Variants in MAGEA1 observed in about 807,000 individuals in gnomAD.
MAGEA1 encodes the protein melanoma-associated antigen 1.
For missense variants in MAGEA1, 182 were observed against 233.7 expected, an observed-to-expected ratio of 0.78 and a Z score of 1.44; for synonymous variants, 101 against 96.7, an observed-to-expected ratio of 1.04 and a Z score of -0.26.
At chrX:153,179,732 A>C (rs1602749972) in intron 1 of MAGEA1, among the ~76,000 whole-genome samples, 6 of 38,624 alleles carry the variant, frequency 1.6e-4, no homozygotes, top group Admixed American at 3.6e-4. Context: ...CTACACCTCC[A>C]CCCCCATCCC....
Position 153,182,935 on chromosome X carries a change from G to A in MAGEA1, c.546G>A (p.Leu182=). ...GCCTAGGTCTCTCCTATGATGGCCT[G>A]CTGGGTGATAATCAGATCATGCCCA... ...VTCLGLSYDG[L]LGDNQIMPKT... Residue 182 remains leucine (L), a synonymous_variant, in exon 3 of 3, where the codon CTG becomes CTA. Transcript: ENST00000356661. 2 of 1,211,887 alleles carry A rather than the reference G, an allele frequency of 1.7e-6. No individual in the cohort carries two copies. The highest frequency in any genetic ancestry group is 2.2e-6 in the Non-Finnish European group (2 of 895,533).
At position 153,183,349 on chromosome X, in the gene MAGEA1, G is replaced by T. The variant is rs781901177; in HGVS notation, c.*30G>T. The T allele has an allele frequency of 1.1e-5, 13 of 1,181,933 alleles. No individual in the cohort carries two copies. In the South Asian group the frequency reaches 2.5e-4, roughly 23 times the overall value. On this transcript the variant is annotated 3_prime_UTR_variant, in exon 3 of 3. Transcript: ENST00000356661. ...GAGTTGCAGCCAAGGCCAGTGGGAG[G>T]GGGACTGGGCCAGTGCACCTTCCAG... is the stretch of plus-strand genomic sequence containing the variant.
In MAGEA1 at chrX:153,182,732, C is replaced by T; in HGVS notation, c.343C>T (p.Leu115Phe). 3 of 1,211,874 alleles carry T rather than the reference C, an allele frequency of 2.5e-6. No individual in the cohort carries two copies. Among genetic ancestry groups the T allele is most frequent in the Admixed American group, 2.2e-5 (1 of 46,091 alleles). ...GGCTGATTTGGTTGGTTTTCTGCTC[C>T]TCAAATATCGAGCCAGGGAGCCAGT... ...KVADLVGFLL[L>F]KYRAREPVTK... Residue 115 changes from leucine (L) to phenylalanine (F), a missense_variant, in exon 3 of 3, where the codon CTC becomes TTC. Coordinates refer to ENST00000356661, the MANE Select transcript of MAGEA1 (RefSeq NM_004988.5).
chrX:153,180,174 C>A (rs987196115), intron 1 of MAGEA1, among the ~76,000 whole-genome samples: 2 of 111,136 alleles, frequency 1.8e-5, no homozygotes, highest in African/African-American at 6.6e-5. Flanking sequence ...AGCTGGACCA[C>A]CCCCCGTCCC....
In MAGEA1 at chrX:153,183,281, C is replaced by T. The variant is rs61737511; in HGVS notation, c.892C>T (p.Arg298Cys). The T allele has an allele frequency of 1.1e-5, 13 of 1,209,380 alleles. No individual in the cohort carries two copies. The highest frequency in any genetic ancestry group is 4.6e-4 in the Middle Eastern group (2 of 4,374). The change falls in exon 3 of 3, where the codon CGT becomes TGT. Residue 298 changes from arginine (R) to cysteine (C), a missense_variant. By Grantham distance (180) the Arg-to-Cys change is radical. Transcript: ENST00000356661. ...ARVRFFFPSL[R>C]EAALREEEEG... ...AGTTCGCTTTTTCTTCCCATCCCTG[C>T]GTGAAGCAGCTTTGAGAGAGGAGGA...
At position 153,182,805 on chromosome X, in the gene MAGEA1, G is replaced by A. The variant is rs2051503542; in HGVS notation, c.416G>A (p.Cys139Tyr). ...AGTGTCATCAAAAATTACAAGCACTGTTTTCCTGAGATCTTCGGCAAAGCC... is the reference window on the plus strand; with the variant it reads ...AGTGTCATCAAAAATTACAAGCACTATTTTCCTGAGATCTTCGGCAAAGCC... ...LESVIKNYKH[C>Y]FPEIFGKASE... Residue 139 changes from cysteine to tyrosine, a missense_variant, in exon 3 of 3, where the codon TGT (cysteine) becomes TAT (tyrosine). By Grantham distance (194) the Cys-to-Tyr change is radical. Transcript: ENST00000356661. 8.3e-7 allele frequency: 1 copy of A among 1,211,863 alleles called. No individual in the cohort carries two copies.
Position 153,183,081 on chromosome X carries a change from C to T in MAGEA1, c.692C>T (p.Ala231Val). Residue 231 changes from alanine to valine, a missense_variant, in exon 3 of 3, where the codon GCC (alanine) becomes GTC (valine). Coordinates refer to ENST00000356661, the MANE Select transcript of MAGEA1 (RefSeq NM_004988.5). The part of the protein sequence containing the change: ...MEVYDGREHS[A>V]YGEPRKLLTQ... Reference sequence around the variant, plus strand: ...GTGTATGATGGGAGGGAGCACAGTGCCTATGGGGAGCCCAGGAAGCTGCTC... The same window carrying T: ...GTGTATGATGGGAGGGAGCACAGTGTCTATGGGGAGCCCAGGAAGCTGCTC... The T allele has an allele frequency of 8.3e-7, 1 of 1,211,707 alleles. No individual in the cohort carries two copies. Among genetic ancestry groups the T allele is most frequent in the South Asian group, 1.8e-5 (1 of 56,992 alleles).
chrX:153,180,179 C>T (rs187869938), intron 1 of MAGEA1, among the ~76,000 whole-genome samples: 65 of 111,211 alleles, frequency 5.8e-4, no homozygotes, highest in African/African-American at 1.9e-3. Context: ...GACCACCCCC[C>T]GTCCCGTCCC....
In MAGEA1 at chrX:153,182,788, C is replaced by A. The variant is rs1199138928; in HGVS notation, c.399C>A (p.Ile133=). Reference sequence around the variant, plus strand: ...AGGCAGAAATGCTGGAGAGTGTCATCAAAAATTACAAGCACTGTTTTCCTG... The same window carrying A: ...AGGCAGAAATGCTGGAGAGTGTCATAAAAAATTACAAGCACTGTTTTCCTG... The part of the protein sequence containing the change: ...VTKAEMLESV[I]KNYKHCFPEI... The change falls in exon 3 of 3, where the codon ATC becomes ATA. Residue 133 remains isoleucine, a synonymous_variant. Coordinates refer to ENST00000356661, the MANE Select transcript of MAGEA1 (RefSeq NM_004988.5). The A allele has an allele frequency of 8.3e-7, 1 of 1,211,821 alleles. No homozygotes were observed. Among genetic ancestry groups the A allele is most frequent in the Non-Finnish European group, 1.1e-6 (1 of 895,520 alleles).
At position 153,183,750 on chromosome X, in the gene MAGEA1, G is replaced by A. The variant is rs936401462; in HGVS notation, c.*431G>A. On this transcript the variant is annotated 3_prime_UTR_variant, in exon 3 of 3. Transcript: ENST00000356661. ...AGATAAAGAACTAAAGAAATTAAGA[G>A]ATAGTCAATTCTTGCCTTATACCTC... 2 of 133,969 alleles carry A rather than the reference G, an allele frequency of 1.5e-5. No individual in the cohort carries two copies. The highest frequency in any genetic ancestry group is 3.1e-5 in the Non-Finnish European group (2 of 63,544). The allele number at this position is 133,969 out of a possible 1,213,427, so 11.0% of individuals were successfully genotyped here.
At position 153,183,293 on chromosome X, in the gene MAGEA1, T is replaced by C; in HGVS notation, c.904T>C (p.Leu302=). ...FFFPSLREAA[L]REEEEGV ...CTTCCCATCCCTGCGTGAAGCAGCT[T>C]TGAGAGAGGAGGAAGAGGGAGTCTG... The change falls in exon 3 of 3, where the codon TTG becomes CTG. Residue 302 remains leucine (L), a synonymous_variant. Coordinates refer to ENST00000356661, the MANE Select transcript of MAGEA1 (RefSeq NM_004988.5). 1 of 1,209,451 alleles carries C rather than the reference T, an allele frequency of 8.3e-7. No individual in the cohort carries two copies. Among genetic ancestry groups the C allele is most frequent in the Non-Finnish European group, 1.1e-6 (1 of 894,138 alleles).
intron 1 of MAGEA1, among the ~76,000 whole-genome samples, chrX:153,181,628 A>G (rs978884533): frequency 2.7e-5 from 3 of 111,152 alleles, no homozygotes; most frequent in East Asian, 2.8e-4. Flanking sequence ...ATTAATTCCA[A>G]TGAATTTTGA....
chrX:153,182,140 G>T, intron 1 of MAGEA1, 37 bp from the exon 2 acceptor site: 1 of 621,791 alleles, frequency 1.6e-6, no homozygotes, highest in South Asian at 2.4e-5. Flanking sequence ...TCTGCTGGCC[G>T]GCTGTACCCT....
chrX:153,182,612 C>T lies in MAGEA1; in HGVS notation c.223C>T (p.Gln75Ter), dbSNP rs782211531. 2.5e-6 allele frequency: 3 copies of T among 1,211,314 alleles called. No homozygotes were observed. Among genetic ancestry groups the T allele is most frequent in the Non-Finnish European group, 3.4e-6 (3 of 894,926 alleles). The change falls in exon 3 of 3, where the codon CAA (glutamine) becomes TAA (stop). Residue 75 changes from glutamine (Q) to a stop codon, truncating the protein, a stop_gained. Transcript: ENST00000356661. LOFTEE classifies it low-confidence loss of function (END_TRUNC). ...TACCATCAACTTCACTCGACAGAGG[C>T]AACCCAGTGAGGGTTCCAGCAGCCG... Reference protein sequence around the residue: ...PTTINFTRQRQPSEGSSSREE... With the variant: ...PTTINFTRQR
intron 1 of MAGEA1, among the ~76,000 whole-genome samples, chrX:153,181,506 A>G (rs3788744): frequency 0.016 from 1,822 of 111,493 alleles, 32 homozygotes; most frequent in East Asian, 0.078. Context: ...CATTGATGTC[A>G]GGGACGGGGA....
At position 153,182,864 on chromosome X, in the gene MAGEA1, G is replaced by A. The variant is rs782650488; in HGVS notation, c.475G>A (p.Val159Met). 5.8e-6 allele frequency: 7 copies of A among 1,211,829 alleles called. No homozygotes were observed. The highest frequency in any genetic ancestry group is 5.3e-5 in the South Asian group (3 of 56,990). ...CTTGCAGCTGGTCTTTGGCATTGAC[G>A]TGAAGGAAGCAGACCCCACCGGCCA... ...ESLQLVFGID[V>M]KEADPTGHSY... The change falls in exon 3 of 3, where the codon GTG becomes ATG. Residue 159 changes from valine (V) to methionine (M), a missense_variant. By Grantham distance (21) the Val-to-Met change is conservative. Transcript: ENST00000356661.
At position 153,182,319 on chromosome X, in the gene MAGEA1, C is replaced by A. The variant is rs1258399199; in HGVS notation, c.-65-6C>A. 6 of 1,049,889 alleles carry A rather than the reference C, an allele frequency of 5.7e-6. No individual in the cohort carries two copies. In the African/African-American group the frequency reaches 7.4e-5, roughly 13 times the overall value. The allele number at this position is 1,049,889 out of a possible 1,213,427, so 86.5% of individuals were successfully genotyped here. On this transcript the variant is annotated splice_region_variant and splice_polypyrimidine_tract_variant and intron_variant, in intron 2 of 2. Coordinates refer to ENST00000356661, the MANE Select transcript of MAGEA1 (RefSeq NM_004988.5). ...GAGGCCTCTCACACACTCCCTCTCT[C>A]CCCAGGCCTGTGGGTCTTCATTGCC...
intron 1 of MAGEA1, 133 bp from the exon 2 acceptor site, chrX:153,182,044 C>A: frequency 3.3e-6 from 1 of 299,784 alleles, no homozygotes; most frequent in Non-Finnish European, 6.1e-6. Context: ...CCTGAATGCA[C>A]ACCAAGGGCC....
intron 1 of MAGEA1, among the ~76,000 whole-genome samples, chrX:153,181,084 G>A (rs960182572): frequency 9.2e-6 from 1 of 109,029 alleles, no homozygotes; most frequent in Non-Finnish European, 1.9e-5. Flanking sequence ...GTAAAGGGGG[G>A]ATGTCTACTC....
Sources: allele counts gnomAD v4.1 joint callset (sites outside exome capture counted in the v4.1 genomes callset), GRCh38; gene constraint gnomAD v4.1.1; transcripts MANE v1.5; gene names NCBI Gene and HGNC (gene_info 2026-07-23, HGNC 2026-07-21).